NCKAP1L: variants seen among roughly 807,000 people sequenced by gnomAD.
NCKAP1L encodes the protein nck-associated protein 1-like.
A neutral mutation model predicts 139.2 loss-of-function variants in NCKAP1L; 53 were observed. The observed-to-expected ratio is 0.38, with a 90% CI of 0.31 to 0.48. NCKAP1L has a LOEUF of 0.48. Ranked by LOEUF, NCKAP1L falls within the 20% of genes least tolerant of loss-of-function variation. The pLI, the probability that NCKAP1L is intolerant of heterozygous loss-of-function variation, is 0.98. For synonymous variants in NCKAP1L, 468 were observed against 499.7 expected (o/e 0.94, Z 0.85); for missense variants, 1,151 against 1,381.9 (o/e 0.83, Z 2.65).
intron 29 of NCKAP1L, among the ~76,000 whole-genome samples, chr12:54,537,790 G>T (rs1437243551): frequency 6.6e-6 from 1 of 152,084 alleles, no homozygotes. Flanking sequence ...AGAACCAATG[G>T]TCTAGATTTC....
rs770226385 is a variant in NCKAP1L at position 54,536,179 on chromosome 12, T to C, written c.3007T>C (p.Phe1003Leu). Residue 1003 changes from phenylalanine to leucine, a missense_variant, in exon 28 of 31, where the codon TTT becomes CTT. By Grantham distance (22) the Phe-to-Leu change is conservative. Coordinates refer to ENST00000293373, the MANE Select transcript of NCKAP1L (RefSeq NM_005337.5). ...EYKVACLLLIFLAVSLPLLAT... is the reference protein window; with the variant it reads ...EYKVACLLLILLAVSLPLLAT... Reference sequence around the variant, plus strand: ...TAAGGTGGCCTGCCTGCTCTTGATCTTTCTGGCAGTTTCCCTCCCACTCCT... The same window carrying C: ...TAAGGTGGCCTGCCTGCTCTTGATCCTTCTGGCAGTTTCCCTCCCACTCCT... 1 of 1,613,598 alleles carries C rather than the reference T, an allele frequency of 6.2e-7. No homozygotes were observed. The highest frequency in any genetic ancestry group is 1.1e-5 in the South Asian group (1 of 91,068).
chr12:54,547,743 A>G lies in NCKAP1L; in HGVS notation c.*5058A>G, dbSNP rs1389950705. The G allele has an allele frequency of 6.6e-6, 1 of 152,136 alleles. No homozygotes were observed. The highest frequency in any genetic ancestry group is 1.5e-5 in the Non-Finnish European group (1 of 68,028). The allele number at this position is 152,136 out of a possible 1,614,324, so 9.4% of individuals were successfully genotyped here. A position where few individuals can be genotyped will look rare whatever the true frequency, so the allele number is the denominator to read the frequency against. ...CTCTTTAGCACCATCCTAATTTGCA[A>G]TTCTTTTGTAGTTTCCAGCCCATTT... On this transcript the variant is annotated 3_prime_UTR_variant, in exon 31 of 31. Coordinates refer to ENST00000293373, the MANE Select transcript of NCKAP1L (RefSeq NM_005337.5).
At chr12:54,535,418 C>A (rs1957107176) in intron 27 of NCKAP1L, among the ~76,000 whole-genome samples, 1 of 152,218 alleles carries the variant, frequency 6.6e-6, no homozygotes, top group Non-Finnish European at 1.5e-5. Flanking sequence ...CAGGTTCCAA[C>A]TAGTTGATCT....
chr12:54,534,418 C>A (rs1480100292), intron 26 of NCKAP1L, among the ~76,000 whole-genome samples: 2 of 152,164 alleles, frequency 1.3e-5, no homozygotes, highest in Non-Finnish European at 2.9e-5. Flanking sequence ...ATCTATTTGG[C>A]AAGATAAGGA....
intron 3 of NCKAP1L, among the ~76,000 whole-genome samples, chr12:54,505,375 G>A (rs1003198033): frequency 6.6e-6 from 1 of 151,352 alleles, no homozygotes; most frequent in Non-Finnish European, 1.5e-5. Flanking sequence ...ATTTTGACAA[G>A]TGTATATGCC....
chr12:54,527,619 C>T (rs550864788), intron 21 of NCKAP1L, among the ~76,000 whole-genome samples: 2 of 152,272 alleles, frequency 1.3e-5, no homozygotes, highest in East Asian at 1.9e-4. Flanking sequence ...CCCTGTCAGC[C>T]GTTTCAGCGT....
chr12:54,520,766 T>C lies in NCKAP1L; in HGVS notation c.1698T>C (p.Ile566=). The part of the protein sequence containing the change: ...LEESAMLRYA[I]AFPLICAHFV... ...AATCTGCCATGTTGCGTTATGCCAT[T>C]GCTTTCCCCCTGATTTGTGCTCACT... is the stretch of plus-strand genomic sequence containing the variant. Residue 566 remains isoleucine, a synonymous_variant, in exon 17 of 31, where the codon ATT becomes ATC. Coordinates refer to ENST00000293373, the MANE Select transcript of NCKAP1L (RefSeq NM_005337.5). 2.5e-6 allele frequency: 4 copies of C among 1,614,154 alleles called. No individual in the cohort carries two copies. The highest frequency in any genetic ancestry group is 1.3e-5 in the African/African-American group (1 of 75,032).
intron 30 of NCKAP1L, among the ~76,000 whole-genome samples, chr12:54,539,708 C>T (rs1486893240): frequency 6.6e-6 from 1 of 152,174 alleles, no homozygotes; most frequent in Non-Finnish European, 1.5e-5. Flanking sequence ...AAAAGGCCCT[C>T]CTTGAGCCTT....
At chr12:54,524,980 A>G (rs1459876947) in intron 20 of NCKAP1L, among the ~76,000 whole-genome samples, 1 of 152,168 alleles carries the variant, frequency 6.6e-6, no homozygotes, top group Non-Finnish European at 1.5e-5. Flanking sequence ...CATTCTAGGT[A>G]GAGGAAACAG....
At chr12:54,497,962 G>T (rs1956764339) in intron 1 of NCKAP1L, 71 bp downstream of exon 1, 7 of 953,998 alleles carry the variant, frequency 7.3e-6, no homozygotes, top group Non-Finnish European at 1.0e-5. Flanking sequence ...GAGGCGGCAG[G>T]TGCAGCAGTT....
rs565263018 is a variant in NCKAP1L, at chr12:54,511,552, G to A, written c.736-251G>A. Reference sequence around the variant, plus strand: ...CTCCTGAGTACCTAGGACTACAGGTGCACACCGCCATGTCTGGCTAATTTT... The same window carrying A: ...CTCCTGAGTACCTAGGACTACAGGTACACACCGCCATGTCTGGCTAATTTT... On this transcript the variant is annotated intron_variant, in intron 7 of 30. Coordinates refer to ENST00000293373, the MANE Select transcript of NCKAP1L (RefSeq NM_005337.5). Among the ~76,000 whole-genome samples the A allele has an allele frequency of 2.4e-3, 371 of 152,356 alleles. 3 individuals carry two copies. Among genetic ancestry groups the A allele is most frequent in the African/African-American group, 8.3e-3 (347 of 41,570 alleles).
chr12:54,509,653 C>T lies in NCKAP1L; in HGVS notation c.507-16C>T, dbSNP rs1292744928. ...GTAAGGGAGGGCTGTAACCCCTCTCCTCTGCTTTCTTCTAGTGACCCCAGT... is the reference window on the plus strand; with the variant it reads ...GTAAGGGAGGGCTGTAACCCCTCTCTTCTGCTTTCTTCTAGTGACCCCAGT... On this transcript the variant is annotated splice_polypyrimidine_tract_variant and intron_variant, in intron 5 of 30. Transcript: ENST00000293373. 1.3e-6 allele frequency: 2 copies of T among 1,590,340 alleles called. No homozygotes were observed. The highest frequency in any genetic ancestry group is 1.1e-5 in the South Asian group (1 of 90,592).
At chr12:54,521,415 A>C (rs1956983004) in intron 18 of NCKAP1L, among the ~76,000 whole-genome samples, 177 bp downstream of exon 18, 1 of 152,188 alleles carries the variant, frequency 6.6e-6, no homozygotes. Context: ...TAGTCCCTTC[A>C]GTCTTTCCTC....
intron 22 of NCKAP1L, 99 bp downstream of exon 22, chr12:54,528,476 T>A: frequency 1.4e-6 from 2 of 1,446,694 alleles, no homozygotes; most frequent in Non-Finnish European, 9.3e-7. Context: ...GGTGCAAAAG[T>A]AATTTTTGCA....
In NCKAP1L at chr12:54,547,483, A is replaced by C. The variant is rs1248638608; in HGVS notation, c.*4798A>C. On this transcript the variant is annotated 3_prime_UTR_variant, in exon 31 of 31. Transcript: ENST00000293373. Reference sequence around the variant, plus strand: ...GATGAACTCTAATGTCTCTTTCACGAATAACTTTGTGTGTGTGTGCGTGTG... The same window carrying C: ...GATGAACTCTAATGTCTCTTTCACGCATAACTTTGTGTGTGTGTGCGTGTG... 1 of 143,954 alleles carries C rather than the reference A, an allele frequency of 6.9e-6. No homozygotes were observed. Among genetic ancestry groups the C allele is most frequent in the Admixed American group, 7.1e-5 (1 of 14,026 alleles). The allele number at this position is 143,954 out of a possible 1,614,324, so 8.9% of individuals were successfully genotyped here. A position where few individuals can be genotyped will look rare whatever the true frequency, so the allele number is the denominator to read the frequency against.
intron 7 of NCKAP1L, among the ~76,000 whole-genome samples, chr12:54,511,534 GT>G (rs1455580117): frequency 6.6e-6 from 1 of 152,200 alleles, no homozygotes; most frequent in East Asian, 1.9e-4. Flanking sequence ...CTCCTCCTGA[GT>G]ACCTAGGACT....
rs541357378 is a variant in NCKAP1L at position 54,513,225 on chromosome 12, C to T, written c.941+1120C>T. Among the ~76,000 whole-genome samples, 5 of 152,174 alleles carry T rather than the reference C, an allele frequency of 3.3e-5. No homozygotes were observed. In the South Asian group the frequency reaches 6.2e-4, roughly 19 times the overall value. On this transcript the variant is annotated intron_variant, in intron 9 of 30. Coordinates refer to ENST00000293373, the MANE Select transcript of NCKAP1L (RefSeq NM_005337.5). ...TTGAGGATGATGTCGAGGTTTCTGGCGTGGATATCTGGTATTCCTTAAGAT... is the reference window on the plus strand; with the variant it reads ...TTGAGGATGATGTCGAGGTTTCTGGTGTGGATATCTGGTATTCCTTAAGAT...
Position 54,506,796 on chromosome 12 carries a change from A to AAATATATATATATAT in NCKAP1L, c.307-1056_307-1055insATATATATATATATA. Reference sequence around the variant, plus strand: ...TTTTGGCAACATATTAAAAAAAAAAAATATATATATATATATATATATATA... The same window carrying AAATATATATATATAT: ...TTTTGGCAACATATTAAAAAAAAAAAAATATATATATATATATATATATATATATATATATATATA... On this transcript the variant is annotated intron_variant, in intron 3 of 30. Transcript: ENST00000293373. 4.9e-3 allele frequency among the ~76,000 whole-genome samples: 249 copies of AAATATATATATATAT among 50,570 alleles called. 6 individuals are homozygous for AAATATATATATATAT. Among genetic ancestry groups the AAATATATATATATAT allele is most frequent in the East Asian group, 0.015 (14 of 930 alleles). The allele number at this position is 50,570 out of a possible 152,430, so 33.2% of individuals were successfully genotyped here.
chr12:54,535,432 G>A (rs564963150), intron 27 of NCKAP1L, among the ~76,000 whole-genome samples: 151 of 152,222 alleles, frequency 9.9e-4, no homozygotes, highest in Non-Finnish European at 1.8e-3. Flanking sequence ...TTGATCTACC[G>A]GTCAGCTAAA....
Sources: gnomAD v4.1 joint callset for allele counts (sites outside exome capture counted in the v4.1 genomes callset) on GRCh38, gnomAD v4.1.1 for gene constraint, MANE v1.5 for transcripts, NCBI Gene and HGNC (gene_info 2026-07-23, HGNC 2026-07-21) for gene names.